PCDHGB2: variants seen among roughly 807,000 people sequenced by gnomAD.
PCDHGB2 encodes the protein protocadherin gamma-B2.
Under a neutral mutation model 59.3 loss-of-function variants are expected in PCDHGB2, and 55 were observed. The observed-to-expected ratio is 0.93, with a 90% CI of 0.75 to 1.16. The LOEUF (loss-of-function observed/expected upper bound fraction) is 1.16. Ranked by LOEUF, PCDHGB2 falls within the 50% of genes most tolerant of loss-of-function variation. The pLI is 0.00. For synonymous variants in PCDHGB2, 516 were observed against 512.0 expected, an observed-to-expected ratio of 1.01 and a Z score of -0.11; for missense variants, 1,228 against 1,198.5, an observed-to-expected ratio of 1.02 and a Z score of -0.36.
At position 141,431,435 on chromosome 5, in the gene PCDHGB2, G is replaced by A. The variant is rs376827063; in HGVS notation, c.2422-63372G>A. ...GGGCGACCCGGTGCGCACAGGCACC[G>A]CGCGCATCCGCGTGATGGTTCTGGA... On this transcript the variant is annotated intron_variant, in intron 1 of 3. Coordinates refer to ENST00000522605, the MANE Select transcript of PCDHGB2 (RefSeq NM_018923.3). The surrounding 1 kb of genome is among the most constrained non-coding windows in gnomAD (Gnocchi z 4.8). 2.5e-6 allele frequency: 4 copies of A among 1,613,550 alleles called. No homozygotes were observed. Among genetic ancestry groups the A allele is most frequent in the Non-Finnish European group, 3.4e-6 (4 of 1,180,034 alleles).
At chr5:141,413,118 G>A (rs999214227) in intron 1 of PCDHGB2, 4 of 1,517,034 alleles carry the variant, frequency 2.6e-6, no homozygotes, top group Admixed American at 4.3e-5. Flanking sequence ...CAAAGGAACC[G>A]GTTGAAACAC....
In PCDHGB2 at chr5:141,361,497, G is replaced by C; in HGVS notation, c.1362G>C (p.Gln454His). ...ACGATAATGCCCCAGTTTTCCAACA[G>C]ACTTCCTACATGGTTCACGTGGCAG... ...DVNDNAPVFQ[Q>H]TSYMVHVAEN... The change falls in exon 1 of 4, where the codon CAG (glutamine) becomes CAC (histidine). Residue 454 changes from glutamine (Q) to histidine (H), a missense_variant. Gln to His is a conservative substitution (Grantham distance 24). Around this residue, in one of 3 missense-constraint regions of PCDHGB2, gnomAD observed 781 missense variants for 721.6 expected, o/e 1.08. Transcript: ENST00000522605. The C allele has an allele frequency of 6.2e-7, 1 of 1,614,042 alleles. No individual in the cohort carries two copies. Among genetic ancestry groups the C allele is most frequent in the Non-Finnish European group, 8.5e-7 (1 of 1,179,898 alleles).
rs1047637676 is a variant in PCDHGB2, at chr5:141,449,606, A to G, written c.2422-45201A>G. The stretch of plus-strand genomic sequence containing the variant: ...TCTGTCTCAAAAAAAAAAAAAAAAA[A>G]AGTAAAAAAGTTTTTTAAAAAGATG... On this transcript the variant is annotated intron_variant, in intron 1 of 3. Transcript: ENST00000522605. 3.9e-3 allele frequency among the ~76,000 whole-genome samples: 591 copies of G among 150,802 alleles called. 2 individuals carry two copies. The highest frequency in any genetic ancestry group is 0.01 in the Middle Eastern group (3 of 290).
At chr5:141,482,611 G>A (rs1016481108) in intron 1 of PCDHGB2, among the ~76,000 whole-genome samples, 3 of 150,398 alleles carry the variant, frequency 2.0e-5, no homozygotes, top group African/African-American at 7.4e-5. Context: ...ACACCTAAAT[G>A]AGCCTGGAGA....
chr5:141,434,092 A>C (rs1333686339), intron 1 of PCDHGB2, among the ~76,000 whole-genome samples: 1 of 152,172 alleles, frequency 6.6e-6, no homozygotes, highest in Non-Finnish European at 1.5e-5. Context: ...TTTGATGCTG[A>C]AATTGTCCCA....
intron 1 of PCDHGB2, among the ~76,000 whole-genome samples, chr5:141,397,380 A>G (rs1469821900): frequency 1.7e-4 from 26 of 152,236 alleles, no homozygotes; most frequent in Non-Finnish European, 3.8e-4. Flanking sequence ...GGGGATTGGT[A>G]TAAAATTGCC....
intron 1 of PCDHGB2, chr5:141,422,395 C>T: frequency 1.9e-6 from 3 of 1,596,286 alleles, no homozygotes; most frequent in South Asian, 1.1e-5. Context: ...TATTCCTAAC[C>T]ACCTGCCTTT....
At chr5:141,505,028 G>A (rs2099842951) in intron 2 of PCDHGB2, among the ~76,000 whole-genome samples, 1 of 152,164 alleles carries the variant, frequency 6.6e-6, no homozygotes, top group Admixed American at 6.5e-5. Flanking sequence ...CTGGCACAGT[G>A]GCAGGTGCCT....
intron 1 of PCDHGB2, chr5:141,424,522 T>C (rs2096826398): frequency 6.6e-6 from 1 of 152,212 alleles, no homozygotes; most frequent in South Asian, 2.1e-4. Flanking sequence ...ATGTAGTAAA[T>C]CCATATATAG....
intron 1 of PCDHGB2, among the ~76,000 whole-genome samples, chr5:141,397,514 A>G (rs537343615): frequency 1.3e-5 from 2 of 152,324 alleles, no homozygotes; most frequent in Non-Finnish European, 2.9e-5. Context: ...TTGTTTCCAT[A>G]GCTAATAAAA....
intron 1 of PCDHGB2, among the ~76,000 whole-genome samples, chr5:141,482,498 T>G (rs1226516612): frequency 1.5e-5 from 2 of 135,390 alleles, no homozygotes; most frequent in African/African-American, 3.0e-5. Context: ...GTTATCATTC[T>G]GGTACCCAGA....
intron 1 of PCDHGB2, among the ~76,000 whole-genome samples, chr5:141,481,820 C>T (rs2099545799): frequency 6.6e-6 from 1 of 150,726 alleles, no homozygotes; most frequent in Non-Finnish European, 1.5e-5. Context: ...GGCGTGGTGG[C>T]TGAGGCAGGA....
At chr5:141,422,891 A>G in intron 1 of PCDHGB2, 3 of 1,614,192 alleles carry the variant, frequency 1.9e-6, no homozygotes, top group Non-Finnish European at 2.5e-6. Context: ...TTCGTGCTGG[A>G]CCAGAACGAC....
intron 1 of PCDHGB2, among the ~76,000 whole-genome samples, chr5:141,438,647 CACACAT>C (rs1324641788): frequency 3.8e-5 from 4 of 106,486 alleles, no homozygotes; most frequent in South Asian, 2.8e-4. Flanking sequence ...CACACACACA[CACACAT>C]ATATGTATAT....
At chr5:141,363,773 T>C (rs1763060078) in intron 1 of PCDHGB2, among the ~76,000 whole-genome samples, 1 of 152,230 alleles carries the variant, frequency 6.6e-6, no homozygotes, top group Non-Finnish European at 1.5e-5. Context: ...AAGCACGTTT[T>C]CCTAAATTTA....
chr5:141,365,687 C>T, intron 1 of PCDHGB2: 1 of 1,613,530 alleles, frequency 6.2e-7, no homozygotes, highest in Non-Finnish European at 8.5e-7. Context: ...ACCCAATTTC[C>T]CTCAAGCCTC....
In PCDHGB2 at chr5:141,490,658, T is replaced by A. The variant is rs776806248; in HGVS notation, c.2422-4149T>A. The A allele has an allele frequency of 8.1e-6, 13 of 1,614,204 alleles. No homozygotes were observed. The South Asian group carries it at 1.4e-4, about 18-fold the overall frequency. ...GAAAACCGGCCTCCGGGCTCCCTTC[T>A]TTGCACTGTGGCTGCCTCAGATCCA... On this transcript the variant is annotated intron_variant, in intron 1 of 3. Transcript: ENST00000522605. The surrounding 1 kb of genome is among the most constrained non-coding windows in gnomAD (Gnocchi z 5.4).
At chr5:141,367,381 C>T (rs1164352847) in intron 1 of PCDHGB2, 1 of 151,950 alleles carries the variant, frequency 6.6e-6, no homozygotes, top group Non-Finnish European at 1.5e-5. Flanking sequence ...ACTAAAAATA[C>T]AAAAAATTAG....
At chr5:141,374,684 G>A in intron 1 of PCDHGB2, 1 of 1,609,636 alleles carries the variant, frequency 6.2e-7, no homozygotes, top group Non-Finnish European at 8.5e-7. Flanking sequence ...GGGCACACTG[G>A]ACCGGGAAGG....
Sources: gnomAD v4.1 joint callset for allele counts (sites outside exome capture counted in the v4.1 genomes callset) on GRCh38, gnomAD v4.1.1 for gene constraint, gnomAD v4.1.1 regional missense constraint, Gnocchi (gnomAD v3.1) non-coding constraint, MANE v1.5 for transcripts, NCBI Gene and HGNC (gene_info 2026-07-23, HGNC 2026-07-21) for gene names.